CECR2: variants seen among roughly 807,000 people sequenced by gnomAD.
The protein encoded by CECR2 is CECR2 histone acetyl-lysine reader.
In CECR2, 30 loss-of-function variants were observed where a neutral mutation model predicts 154.5. The ratio of observed to expected loss-of-function variants is 0.19; its 90% CI spans 0.15 to 0.26. The LOEUF (loss-of-function observed/expected upper bound fraction) is 0.26, where lower values mean the gene tolerates loss of function less well. CECR2 is among the 10% of genes least tolerant of loss of function. The pLI is 1.00. For synonymous variants in CECR2, 725 were observed against 683.7 expected, an observed-to-expected ratio of 1.06 and a Z score of -0.94; for missense variants, 1,743 against 1,829.3, an observed-to-expected ratio of 0.95 and a Z score of 0.86.
chr22:17,361,880 G>A (rs1024837143), intron 1 of CECR2, among the ~76,000 whole-genome samples: 8 of 152,086 alleles, frequency 5.3e-5, no homozygotes, highest in Admixed American at 3.9e-4. Context: ...GGGGCAGGGA[G>A]AAAACAGAAG....
intron 9 of CECR2, among the ~76,000 whole-genome samples, chr22:17,527,465 T>C (rs2056283981): frequency 6.7e-6 from 1 of 149,756 alleles, no homozygotes; most frequent in Non-Finnish European, 1.5e-5. Context: ...CTCAAAAAAA[T>C]AAAAATAAAT....
chr22:17,499,310 T>G, intron 3 of CECR2, 100 bp from the exon 4 acceptor site: 66 of 1,411,598 alleles, frequency 4.7e-5, no homozygotes, highest in Non-Finnish European at 5.6e-5. Context: ...TTTTTAGATT[T>G]GAGTTATGCT....
Position 17,538,576 on chromosome 22 carries a change from C to T in CECR2, c.1276+19C>T. 1.2e-6 allele frequency: 2 copies of T among 1,613,580 alleles called. No individual in the cohort carries two copies. The highest frequency in any genetic ancestry group is 1.7e-6 in the Non-Finnish European group (2 of 1,179,502). On this transcript the variant is annotated intron_variant, in intron 11 of 18. Transcript: ENST00000262608. Reference sequence around the variant, plus strand: ...TATAAAGGTTAGTTCCCATTCTCCACTGTTCTGTTTGTGATAGAAGTTTTC... The same window carrying T: ...TATAAAGGTTAGTTCCCATTCTCCATTGTTCTGTTTGTGATAGAAGTTTTC...
At chr22:17,536,905 A>G (rs2056445665) in intron 9 of CECR2, among the ~76,000 whole-genome samples, 198 bp from the exon 10 acceptor site, 1 of 152,116 alleles carries the variant, frequency 6.6e-6, no homozygotes, top group Non-Finnish European at 1.5e-5. Flanking sequence ...AACAGGTTCA[A>G]TTAGTTTACC....
At chr22:17,421,742 G>A (rs1229671536) in intron 1 of CECR2, among the ~76,000 whole-genome samples, 11 of 150,402 alleles carry the variant, frequency 7.3e-5, no homozygotes, top group African/African-American at 2.4e-4. Context: ...GCAGTGAGCC[G>A]AGATCCCACC....
chr22:17,487,569 C>G (rs1206643345), intron 2 of CECR2, among the ~76,000 whole-genome samples: 1 of 152,060 alleles, frequency 6.6e-6, no homozygotes, highest in Admixed American at 6.6e-5. Context: ...GGTTTGGTAG[C>G]GAGCGCCTGT....
In CECR2 at chr22:17,554,019, A is replaced by G. The variant is rs554463610; in HGVS notation, c.*1179A>G. 103 of 152,348 alleles carry G rather than the reference A, an allele frequency of 6.8e-4. No homozygotes were observed. The highest frequency in any genetic ancestry group is 2.4e-3 in the African/African-American group (98 of 41,586). The allele number at this position is 152,348 out of a possible 1,614,324, so 9.4% of individuals were successfully genotyped here. A position where few individuals can be genotyped will look rare whatever the true frequency, so the allele number is the denominator to read the frequency against. On this transcript the variant is annotated 3_prime_UTR_variant, in exon 19 of 19. Transcript: ENST00000262608. ...ATATAGTTTTTATTCGTTTTAAGTG[A>G]ATCATAGTAAAATCAGTCATGGTGA... is the stretch of plus-strand genomic sequence containing the variant.
At chr22:17,412,645 G>C (rs990691672) in intron 1 of CECR2, among the ~76,000 whole-genome samples, 2 of 152,164 alleles carry the variant, frequency 1.3e-5, no homozygotes, top group African/African-American at 4.8e-5. Context: ...AGAGGCTCTT[G>C]CTAAAGGAAA....
chr22:17,467,073 G>A (rs191607973), intron 1 of CECR2, among the ~76,000 whole-genome samples: 310 of 152,274 alleles, frequency 2.0e-3, no homozygotes, highest in African/African-American at 7.2e-3. Flanking sequence ...TGCGCTTTCT[G>A]TCTTCCTTCC....
intron 1 of CECR2, among the ~76,000 whole-genome samples, chr22:17,387,619 G>T (rs1313477165): frequency 6.6e-6 from 1 of 152,178 alleles, no homozygotes; most frequent in African/African-American, 2.4e-5. Context: ...ACTTTTGTCT[G>T]TGTGCACATA....
At chr22:17,499,334 G>T in intron 3 of CECR2, 76 bp from the exon 4 acceptor site, 1 of 1,526,422 alleles carries the variant, frequency 6.6e-7, no homozygotes, top group Non-Finnish European at 8.9e-7. Flanking sequence ...GTGTAAATTT[G>T]GAATCCTCGT....
chr22:17,549,680 A>G (rs2056676023), intron 17 of CECR2, 116 bp downstream of exon 17: 22 of 925,692 alleles, frequency 2.4e-5, no homozygotes, highest in Non-Finnish European at 2.2e-5. Context: ...TGGTGTGATC[A>G]TGGCTCACGG....
intron 1 of CECR2, among the ~76,000 whole-genome samples, chr22:17,473,962 G>A (rs1601417026): frequency 5.9e-5 from 9 of 152,120 alleles, no homozygotes; most frequent in Admixed American, 5.9e-4. Context: ...TGGCTGTTTT[G>A]ATAGAACATT....
chr22:17,380,384 C>T lies in CECR2; in HGVS notation c.126+10475C>T, dbSNP rs370643084. Among the ~76,000 whole-genome samples the T allele has an allele frequency of 3.3e-5, 5 of 152,150 alleles. No individual in the cohort carries two copies. In the East Asian group the frequency reaches 7.7e-4, roughly 23 times the overall value. On this transcript the variant is annotated intron_variant, in intron 1 of 18. Coordinates refer to ENST00000262608, the MANE Select transcript of CECR2 (RefSeq NM_001290047.2). Reference sequence around the variant, plus strand: ...TCATTCTCCTTTTTAAAGTCCCTGACCTCATGTGGCCTTTACAAAAGACAT... The same window carrying T: ...TCATTCTCCTTTTTAAAGTCCCTGATCTCATGTGGCCTTTACAAAAGACAT...
intron 1 of CECR2, among the ~76,000 whole-genome samples, chr22:17,415,227 C>G (rs1448316926): frequency 6.6e-6 from 1 of 151,800 alleles, no homozygotes; most frequent in African/African-American, 2.4e-5. Flanking sequence ...TTCTCTTCTT[C>G]TCCTTCTTTG....
chr22:17,518,196 T>C (rs1358392387), intron 8 of CECR2, among the ~76,000 whole-genome samples: 2 of 152,212 alleles, frequency 1.3e-5, no homozygotes, highest in African/African-American at 4.8e-5. Context: ...AGAGCCATTC[T>C]GAGGAGCGTT....
rs2063028675 is a variant in CECR2, at chr22:17,369,501, T to C, written c.-283T>C. 1 of 148,380 alleles carries C rather than the reference T, an allele frequency of 6.7e-6. No homozygotes were observed. Among genetic ancestry groups the C allele is most frequent in the Non-Finnish European group, 1.5e-5 (1 of 66,662 alleles). 9.2% of individuals were successfully genotyped at this position (148,380 alleles called of 1,614,324 possible). A position where few individuals can be genotyped will look rare whatever the true frequency, so the allele number is the denominator to read the frequency against. On this transcript the variant is annotated 5_prime_UTR_variant, in exon 1 of 19. Coordinates refer to ENST00000262608, the MANE Select transcript of CECR2 (RefSeq NM_001290047.2). ...GGGACTCGATTATATTGTAGGGGAC[T>C]GGGGGCGGCCGCCGCCGCAGCCGCG...
rs1352549825 is a variant in CECR2 at position 17,393,052 on chromosome 22, T to C, written c.126+23143T>C. On this transcript the variant is annotated intron_variant, in intron 1 of 18. Coordinates refer to ENST00000262608, the MANE Select transcript of CECR2 (RefSeq NM_001290047.2). ...GAGACTCTGTCTCAGAAAATAGTGT[T>C]CCAGTTAGTGGGTTTTAGTATATTT... Among the ~76,000 whole-genome samples, 4 of 152,088 alleles carry C rather than the reference T, an allele frequency of 2.6e-5. No individual in the cohort carries two copies. In the East Asian group the frequency reaches 7.7e-4, roughly 29 times the overall value.
intron 1 of CECR2, among the ~76,000 whole-genome samples, chr22:17,446,982 A>G (rs937950653): frequency 2.0e-5 from 3 of 148,860 alleles, no homozygotes; most frequent in Non-Finnish European, 4.4e-5. Flanking sequence ...TTAGCTAGAC[A>G]CAGTGCCGAT....
Sources: gnomAD v4.1 joint callset for allele counts (sites outside exome capture counted in the v4.1 genomes callset) on GRCh38, gnomAD v4.1.1 for gene constraint, MANE v1.5 for transcripts, NCBI Gene and HGNC (gene_info 2026-07-23, HGNC 2026-07-21) for gene names.